Variants in EDAR observed in about 807,000 individuals in gnomAD.
EDAR encodes tumor necrosis factor receptor superfamily member EDAR.
In EDAR, 38 loss-of-function variants were observed where a neutral mutation model predicts 51.3. The ratio of observed to expected loss-of-function variants is 0.74; its 90% CI spans 0.57 to 0.97. The LOEUF (loss-of-function observed/expected upper bound fraction) is 0.97, where lower values mean the gene tolerates loss of function less well. Among genes scored for constraint, EDAR ranks in the 50% least tolerant of loss-of-function variants. The probability of loss-of-function intolerance (pLI) is 0.00; values close to 1 mark genes in which losing one functional copy is unlikely to be tolerated. For missense variants in EDAR, 528 were observed against 595.0 expected, an observed-to-expected ratio of 0.89 and a Z score of 1.17; for synonymous variants, 227 against 242.1, an observed-to-expected ratio of 0.94 and a Z score of 0.58.
At chr2:108,950,921 C>A (rs1477245751) in intron 1 of EDAR, among the ~76,000 whole-genome samples, 2 of 152,228 alleles carry the variant, frequency 1.3e-5, no homozygotes, top group Non-Finnish European at 2.9e-5. Context: ...TGTGACCTTG[C>A]ATGAGGCAGG....
intron 2 of EDAR, among the ~76,000 whole-genome samples, 160 bp from the exon 3 acceptor site, chr2:108,930,402 C>G (rs1178541373): frequency 6.6e-6 from 1 of 152,072 alleles, no homozygotes; most frequent in Admixed American, 6.6e-5. Context: ...CTCACTGCTG[C>G]TAAGTCTCCA....
At chr2:108,955,887 G>C (rs923693437) in intron 1 of EDAR, among the ~76,000 whole-genome samples, 2 of 151,762 alleles carry the variant, frequency 1.3e-5, no homozygotes, top group Non-Finnish European at 2.9e-5. Flanking sequence ...AAATTAGCCG[G>C]GCATGGTGGC....
chr2:108,968,259 A>T (rs1313638316), intron 1 of EDAR, among the ~76,000 whole-genome samples: 4 of 152,180 alleles, frequency 2.6e-5, no homozygotes, highest in African/African-American at 9.7e-5. Context: ...AGCCCCCTAG[A>T]TCTACTAAAT....
intron 11 of EDAR, 27 bp downstream of exon 11, chr2:108,906,281 C>G: frequency 6.2e-7 from 1 of 1,604,032 alleles, no homozygotes; most frequent in Non-Finnish European, 8.5e-7. Context: ...TGGGCACCAC[C>G]TCTCCCAGGC....
intron 1 of EDAR, among the ~76,000 whole-genome samples, chr2:108,947,391 G>A (rs1373667978): frequency 6.6e-6 from 1 of 152,190 alleles, no homozygotes; most frequent in Non-Finnish European, 1.5e-5. Flanking sequence ...GAAAATGGTG[G>A]TGCTCGTCTC....
intron 1 of EDAR, among the ~76,000 whole-genome samples, chr2:108,964,415 G>T (rs1335375760): frequency 6.6e-6 from 1 of 152,120 alleles, no homozygotes; most frequent in East Asian, 1.9e-4. Context: ...AAAGGGATCA[G>T]GTCATGGAGC....
chr2:108,925,199 T>G (rs919566186), intron 4 of EDAR, among the ~76,000 whole-genome samples: 2 of 152,004 alleles, frequency 1.3e-5, no homozygotes, highest in Admixed American at 6.6e-5. Context: ...CTCTATTCCT[T>G]GGACCTTGTG....
At chr2:108,985,325 C>T (rs189600169) in intron 1 of EDAR, among the ~76,000 whole-genome samples, 9 of 152,270 alleles carry the variant, frequency 5.9e-5, no homozygotes, top group Admixed American at 2.0e-4. Flanking sequence ...TTGCTGATTT[C>T]GTCCGACTCA....
chr2:108,939,235 T>C (rs1697540742), intron 1 of EDAR, among the ~76,000 whole-genome samples: 1 of 152,108 alleles, frequency 6.6e-6, no homozygotes, highest in Non-Finnish European at 1.5e-5. Flanking sequence ...TACAGTGTAG[T>C]GGCACGATCT....
intron 1 of EDAR, among the ~76,000 whole-genome samples, chr2:108,974,645 G>A (rs924035493): frequency 3.3e-5 from 5 of 151,950 alleles, no homozygotes; most frequent in African/African-American, 1.2e-4. Flanking sequence ...CAGGAGAATC[G>A]CTTGAACCCG....
intron 1 of EDAR, among the ~76,000 whole-genome samples, chr2:108,951,428 TATGTG>T (rs2104368722): frequency 6.6e-6 from 1 of 152,216 alleles, no homozygotes; most frequent in East Asian, 1.9e-4. Context: ...CAGGATGTCT[TATGTG>T]ATTATTGTAC....
intron 11 of EDAR, among the ~76,000 whole-genome samples, chr2:108,899,510 T>A (rs1558795147): frequency 6.6e-6 from 1 of 152,206 alleles, no homozygotes; most frequent in Non-Finnish European, 1.5e-5. Context: ...AGCAAAAATA[T>A]GGGCACATAC....
chr2:108,931,490 C>A (rs1250600588), intron 1 of EDAR, among the ~76,000 whole-genome samples: 1 of 152,180 alleles, frequency 6.6e-6, no homozygotes, highest in African/African-American at 2.4e-5. Context: ...GCTTAGTGTT[C>A]TTCCCTCTCT....
At chr2:108,972,233 C>G (rs1236289008) in intron 1 of EDAR, among the ~76,000 whole-genome samples, 1 of 152,246 alleles carries the variant, frequency 6.6e-6, no homozygotes, top group African/African-American at 2.4e-5. Flanking sequence ...CCTTCCAGTC[C>G]TTTGCTGTTT....
intron 1 of EDAR, among the ~76,000 whole-genome samples, chr2:108,982,653 T>C (rs1222930208): frequency 6.6e-6 from 1 of 152,176 alleles, no homozygotes; most frequent in Non-Finnish European, 1.5e-5. Flanking sequence ...TGTGGTCTGT[T>C]TGGATAATAA....
intron 1 of EDAR, among the ~76,000 whole-genome samples, chr2:108,962,262 G>A (rs529736397): frequency 1.4e-4 from 22 of 152,288 alleles, no homozygotes; most frequent in African/African-American, 5.1e-4. Context: ...ACGTTCATTC[G>A]CAGGAAAATC....
intron 1 of EDAR, among the ~76,000 whole-genome samples, chr2:108,953,695 A>G (rs1697867657): frequency 6.6e-6 from 1 of 152,050 alleles, no homozygotes; most frequent in Non-Finnish European, 1.5e-5. Flanking sequence ...GAGACACTGG[A>G]GGTAGCTATG....
chr2:108,896,754 C>G lies in EDAR; in HGVS notation c.*153G>C, dbSNP rs757716764. On this transcript the variant is annotated 3_prime_UTR_variant, in exon 12 of 12. Coordinates refer to ENST00000258443, the MANE Select transcript of EDAR (RefSeq NM_022336.4). ...ATCTTTGGTTAAATTGGAAGACAGG[C>G]CTTATTTCGTCTGGCTCCTTGAACA... 5.7e-6 allele frequency: 4 copies of G among 706,372 alleles called. No homozygotes were observed. The highest frequency in any genetic ancestry group is 2.8e-5 in the Admixed American group (1 of 35,598). The allele number at this position is 706,372 out of a possible 1,614,324, so 43.8% of individuals were successfully genotyped here. A position where few individuals can be genotyped will look rare whatever the true frequency, so the allele number is the denominator to read the frequency against.
chr2:108,979,965 A>C (rs1371187092), intron 1 of EDAR, among the ~76,000 whole-genome samples: 1 of 149,502 alleles, frequency 6.7e-6, no homozygotes, highest in South Asian at 2.1e-4. Flanking sequence ...TGTGCAAGTG[A>C]GTCTCCTGGC....
Sources: allele counts gnomAD v4.1 joint callset (sites outside exome capture counted in the v4.1 genomes callset), GRCh38; gene constraint gnomAD v4.1.1; transcripts MANE v1.5; gene names NCBI Gene and HGNC (gene_info 2026-07-23, HGNC 2026-07-21).